Variants in ZRSR2 observed in about 807,000 individuals in gnomAD.
ZRSR2 encodes zinc finger CCCH-type, RNA binding motif and serine/arginine rich 2.
A neutral mutation model predicts 39.4 loss-of-function variants in ZRSR2; 3 were observed. The ratio of observed to expected loss-of-function variants is 0.08; its 90% CI spans 0.03 to 0.20. ZRSR2 has a LOEUF of 0.20. Ranked by LOEUF, ZRSR2 falls within the 10% of genes least tolerant of loss-of-function variation. The pLI, the probability that ZRSR2 is intolerant of heterozygous loss-of-function variation, is 1.00. For synonymous variants in ZRSR2, 137 were observed against 136.0 expected (o/e 1.01, Z -0.05); for missense variants, 256 against 391.5 (o/e 0.65, Z 2.92).
At chrX:15,795,860 C>T (rs765240469) in intron 2 of ZRSR2, among the ~76,000 whole-genome samples, 59 of 111,621 alleles carry the variant, frequency 5.3e-4, no homozygotes, top group Non-Finnish European at 8.8e-4. Flanking sequence ...CAGTGGCTCA[C>T]GCCTGGAGTC....
intron 7 of ZRSR2, among the ~76,000 whole-genome samples, chrX:15,809,660 T>C (rs1932850282): frequency 8.9e-6 from 1 of 111,910 alleles, no homozygotes; most frequent in Non-Finnish European, 1.9e-5. Context: ...TTTGAAGAGC[T>C]TAGAGCAGCT....
intron 10 of ZRSR2, among the ~76,000 whole-genome samples, chrX:15,822,049 G>A (rs962808467): frequency 2.7e-5 from 3 of 109,495 alleles, no homozygotes; most frequent in African/African-American, 1.0e-4. Context: ...GGAGTGCAGT[G>A]GCATAATTTT....
At chrX:15,799,590 G>A (rs1569065349) in intron 2 of ZRSR2, among the ~76,000 whole-genome samples, 1 of 109,211 alleles carries the variant, frequency 9.2e-6, no homozygotes, top group Non-Finnish European at 1.9e-5. Flanking sequence ...GAGTAGCTGG[G>A]ATTACAGGTG....
chrX:15,809,720 A>C (rs1379730809), intron 7 of ZRSR2, among the ~76,000 whole-genome samples: 1 of 111,888 alleles, frequency 8.9e-6, no homozygotes, highest in Non-Finnish European at 1.9e-5. Flanking sequence ...AGGCTTTTAA[A>C]ACTTGGCATG....
intron 8 of ZRSR2, among the ~76,000 whole-genome samples, chrX:15,816,900 G>A (rs1200035389): frequency 9.0e-6 from 1 of 110,582 alleles, no homozygotes; most frequent in Non-Finnish European, 1.9e-5. Context: ...TTTGTTTCTG[G>A]GGCATATGCC....
chrX:15,805,808 G>A (rs1316752274), intron 5 of ZRSR2, among the ~76,000 whole-genome samples: 2 of 103,451 alleles, frequency 1.9e-5, no homozygotes, highest in Non-Finnish European at 3.9e-5. Flanking sequence ...ATGGGCGCCT[G>A]TAGTCCCAGC....
At chrX:15,792,485 C>T (rs375260274) in intron 2 of ZRSR2, among the ~76,000 whole-genome samples, 10 of 112,152 alleles carry the variant, frequency 8.9e-5, no homozygotes, top group Non-Finnish European at 1.3e-4. Context: ...ATTACACATT[C>T]GGTAAAATTT....
chrX:15,792,641 T>G (rs137880596), intron 2 of ZRSR2, among the ~76,000 whole-genome samples: 110 of 112,020 alleles, frequency 9.8e-4, no homozygotes, highest in Non-Finnish European at 1.7e-3. Context: ...TGTAGAACCT[T>G]TATTTGTACA....
intron 2 of ZRSR2, among the ~76,000 whole-genome samples, chrX:15,797,274 G>A (rs1047971747): frequency 2.0e-5 from 2 of 101,066 alleles, no homozygotes; most frequent in Non-Finnish European, 4.0e-5. Flanking sequence ...GCAGTGGCGC[G>A]ATCTTGACTC....
intron 10 of ZRSR2, among the ~76,000 whole-genome samples, chrX:15,822,047 G>A (rs1016703759): frequency 9.1e-6 from 1 of 109,811 alleles, no homozygotes; most frequent in Non-Finnish European, 1.9e-5. Context: ...CTGGAGTGCA[G>A]TGGCATAATT....
chrX:15,790,618 C>G, intron 1 of ZRSR2, 82 bp downstream of exon 1: 2 of 1,107,306 alleles, frequency 1.8e-6, no homozygotes, highest in Non-Finnish European at 2.4e-6. Flanking sequence ...AAAAGAGAAG[C>G]TGGGCCAAGC....
rs768497379 is a variant in ZRSR2 at position 15,810,301 on chromosome X, C to G, written c.557+983C>G. Among the ~76,000 whole-genome samples the G allele has an allele frequency of 5.4e-5, 6 of 111,750 alleles. No individual in the cohort carries two copies. The South Asian group carries it at 1.1e-3, about 21-fold the overall frequency. Reference sequence around the variant, plus strand: ...GTAATGGTGATTTTTATAATTTGGCCTGTTTATTAATGAACAACTTAAAGT... The same window carrying G: ...GTAATGGTGATTTTTATAATTTGGCGTGTTTATTAATGAACAACTTAAAGT... On this transcript the variant is annotated intron_variant, in intron 7 of 10. Coordinates refer to ENST00000307771, the MANE Select transcript of ZRSR2 (RefSeq NM_005089.4).
chrX:15,804,079 G>A, intron 4 of ZRSR2, 32 bp from the exon 5 acceptor site: 1 of 1,139,777 alleles, frequency 8.8e-7, no homozygotes, highest in Non-Finnish European at 1.2e-6. Flanking sequence ...AAAAGTGACT[G>A]AAACAAAGTT....
At chrX:15,807,539 C>T (rs1178229072) in intron 5 of ZRSR2, among the ~76,000 whole-genome samples, 1 of 108,821 alleles carries the variant, frequency 9.2e-6, no homozygotes, top group African/African-American at 3.3e-5. Flanking sequence ...ATCCACCCGC[C>T]TCAGCCTCCC....
chrX:15,796,477 C>T (rs1250459148), intron 2 of ZRSR2, among the ~76,000 whole-genome samples: 3 of 108,246 alleles, frequency 2.8e-5, no homozygotes, highest in Non-Finnish European at 5.7e-5. Context: ...GCAGTGTGTA[C>T]TACAGTTAAT....
rs773592031 is a variant in ZRSR2 at position 15,823,125 on chromosome X, G to A, written c.1332G>A (p.Arg444=). ...GCCGGGGCAGCCGGAGCCGGAGCCG[G>A]AGCCGGAGCCGCAGGAGCCGCCGCA... The part of the protein sequence containing the change: ...SRGRGSRSRS[R]SRSRRSRRSR... Residue 444 remains arginine, a synonymous_variant, in exon 11 of 11, where the codon CGG becomes CGA. Transcript: ENST00000307771. The A allele has an allele frequency of 1.6e-5, 19 of 1,204,361 alleles. No individual in the cohort carries two copies. The African/African-American group carries it at 3.2e-4, about 20-fold the overall frequency.
intron 7 of ZRSR2, among the ~76,000 whole-genome samples, chrX:15,813,127 AGAG>A (rs1344642212): frequency 1.3e-4 from 15 of 112,238 alleles, no homozygotes; most frequent in African/African-American, 4.5e-4. Context: ...AAGAAGAAAA[AGAG>A]GAGTAGTCAG....
chrX:15,794,576 A>G (rs184652659), intron 2 of ZRSR2, among the ~76,000 whole-genome samples: 53 of 111,810 alleles, frequency 4.7e-4, no homozygotes, highest in Admixed American at 1.4e-3. Flanking sequence ...GAAGTGGTTC[A>G]TCATAAAGGT....
At position 15,815,872 on chromosome X, in the gene ZRSR2, G is replaced by C; in HGVS notation, c.753G>C (p.Gly251=). The C allele has an allele frequency of 3.3e-6, 4 of 1,207,671 alleles. No individual in the cohort carries two copies. The highest frequency in any genetic ancestry group is 4.5e-6 in the Non-Finnish European group (4 of 893,279). ...TGTTGCCCGAGTTCAAGAACGTGGG[G>C]AAAGTGATTCAGTTCAAGGTGGGCA... is the stretch of plus-strand genomic sequence containing the variant. ...EDVLPEFKNV[G]KVIQFKVSCN... is the part of the protein sequence containing the mutation. The change falls in exon 8 of 11, where the codon GGG becomes GGC. Residue 251 remains glycine (G), a synonymous_variant. Coordinates refer to ENST00000307771, the MANE Select transcript of ZRSR2 (RefSeq NM_005089.4).
Sources: gnomAD v4.1 joint callset for allele counts (sites outside exome capture counted in the v4.1 genomes callset) on GRCh38, gnomAD v4.1.1 for gene constraint, MANE v1.5 for transcripts, NCBI Gene and HGNC (gene_info 2026-07-23, HGNC 2026-07-21) for gene names.